The following CAMK4 variants were observed in gnomAD, a reference collection of about 807,000 sequenced individuals.
The protein encoded by CAMK4 is calcium/calmodulin dependent protein kinase IV, also known as calcium/calmodulin-dependent protein kinase type IV.
In CAMK4, 22 loss-of-function variants were observed where a neutral mutation model predicts 44.9. That is an observed-to-expected ratio of 0.49 (90% CI 0.35 to 0.70). The LOEUF is 0.70. Among genes scored for constraint, CAMK4 ranks in the 30% least tolerant of loss-of-function variants. The pLI is 0.01. For missense variants in CAMK4, 498 were observed against 586.8 expected, an observed-to-expected ratio of 0.85 and a Z score of 1.56; for synonymous variants, 218 against 215.4, an observed-to-expected ratio of 1.01 and a Z score of -0.11.
chr5:111,314,642 A>G (rs1748345700), intron 1 of CAMK4, among the ~76,000 whole-genome samples: 1 of 152,110 alleles, frequency 6.6e-6, no homozygotes, highest in South Asian at 2.1e-4. Flanking sequence ...GTTCCCACCA[A>G]TATAATGATA....
Position 111,270,466 on chromosome 5 carries a change from A to G in CAMK4, c.161+45822A>G, listed in dbSNP as rs180901664. 1.5e-3 allele frequency among the ~76,000 whole-genome samples: 233 copies of G among 152,284 alleles called. 2 individuals are homozygous for G. In the South Asian group the frequency reaches 0.018, roughly 12 times the overall value. The stretch of plus-strand genomic sequence containing the variant: ...TCCCTGGTGACTTTCACCTAATTAC[A>G]CAATAGCTACACACCTGATACTATT... On this transcript the variant is annotated intron_variant, in intron 1 of 10. Coordinates refer to ENST00000282356, the MANE Select transcript of CAMK4 (RefSeq NM_001744.6).
chr5:111,374,420 G>A (rs1338014025), intron 2 of CAMK4, among the ~76,000 whole-genome samples: 2 of 152,126 alleles, frequency 1.3e-5, no homozygotes, highest in South Asian at 2.1e-4. Flanking sequence ...CAGGGAACAG[G>A]ATACTCTTGT....
intron 1 of CAMK4, among the ~76,000 whole-genome samples, chr5:111,292,057 T>C (rs1390379684): frequency 6.6e-6 from 1 of 152,186 alleles, no homozygotes; most frequent in Non-Finnish European, 1.5e-5. Flanking sequence ...TCAGTGGTCC[T>C]CAGAGGAATA....
intron 2 of CAMK4, among the ~76,000 whole-genome samples, chr5:111,371,179 A>G (rs435141): frequency 0.88 from 133,492 of 152,128 alleles, 58,792 homozygotes; most frequent in East Asian, 1. Context: ...CCCATGATTG[A>G]GCTGCCTGAC....
intron 1 of CAMK4, among the ~76,000 whole-genome samples, chr5:111,281,352 A>G (rs1296185324): frequency 3.3e-5 from 5 of 152,206 alleles, no homozygotes; most frequent in Non-Finnish European, 7.4e-5. Flanking sequence ...TAATATAACT[A>G]GAATAATGTT....
intron 3 of CAMK4, among the ~76,000 whole-genome samples, 193 bp downstream of exon 3, chr5:111,375,105 A>AAAAGT (rs1751165787): frequency 6.6e-6 from 1 of 152,178 alleles, no homozygotes; most frequent in Admixed American, 6.6e-5. Flanking sequence ...ATACCTCTGA[A>AAAAGT]AAAGTTCCAA....
In CAMK4 at chr5:111,487,940, T is replaced by C. The variant is rs1287612346; in HGVS notation, c.*3474T>C. ...TTCATTTACTTCAGAGGAGAAATGA[T>C]TCCTAACATGACTTCAAAGAACGGG... On this transcript the variant is annotated 3_prime_UTR_variant, in exon 11 of 11. Coordinates refer to ENST00000282356, the MANE Select transcript of CAMK4 (RefSeq NM_001744.6). The C allele has an allele frequency of 6.6e-6, 1 of 152,166 alleles. No individual in the cohort carries two copies. Among genetic ancestry groups the C allele is most frequent in the African/African-American group, 2.4e-5 (1 of 41,424 alleles). The allele number at this position is 152,166 out of a possible 1,614,324, so 9.4% of individuals were successfully genotyped here.
chr5:111,427,017 A>T (rs1417355119), intron 5 of CAMK4, among the ~76,000 whole-genome samples: 1 of 152,168 alleles, frequency 6.6e-6, no homozygotes, highest in Non-Finnish European at 1.5e-5. Context: ...TTGAGAGACC[A>T]GCTGAGGCAG....
At chr5:111,477,287 C>T (rs1755280222) in intron 8 of CAMK4, among the ~76,000 whole-genome samples, 1 of 152,226 alleles carries the variant, frequency 6.6e-6, no homozygotes, top group African/African-American at 2.4e-5. Context: ...AACATTCTCC[C>T]AGTGGGACAT....
rs115758058 is a variant in CAMK4 at position 111,438,082 on chromosome 5, C to T, written c.460-8604C>T. Among the ~76,000 whole-genome samples, 1,249 of 152,004 alleles carry T rather than the reference C, an allele frequency of 8.2e-3. 25 individuals are homozygous for T. The highest frequency in any genetic ancestry group is 0.028 in the African/African-American group (1,172 of 41,464). ...TTAATTGTGAATTGGATGTAGATGG[C>T]GAGGGAGAGAAAGTCAATTTTTGAC... On this transcript the variant is annotated intron_variant, in intron 5 of 10. Transcript: ENST00000282356.
chr5:111,441,634 G>GT (rs943309858), intron 5 of CAMK4, among the ~76,000 whole-genome samples: 3 of 151,962 alleles, frequency 2.0e-5, no homozygotes, highest in Admixed American at 6.5e-5. Flanking sequence ...TTTATGGTTT[G>GT]TTTTTTTCTG....
intron 1 of CAMK4, among the ~76,000 whole-genome samples, chr5:111,278,372 G>A (rs1003859334): frequency 3.5e-5 from 5 of 141,374 alleles, no homozygotes; most frequent in African/African-American, 1.3e-4. Context: ...GGAGAATCAG[G>A]CTTGTTTGTT....
intron 1 of CAMK4, among the ~76,000 whole-genome samples, chr5:111,259,271 A>G (rs756430087): frequency 6.6e-6 from 1 of 152,120 alleles, no homozygotes; most frequent in Non-Finnish European, 1.5e-5. Context: ...TTAATATTTA[A>G]CTACTGACAA....
intron 5 of CAMK4, among the ~76,000 whole-genome samples, chr5:111,434,148 C>G (rs927970796): frequency 2.6e-5 from 4 of 152,164 alleles, no homozygotes; most frequent in African/African-American, 9.6e-5. Flanking sequence ...ACAAAAATAG[C>G]TGGACATGGT....
intron 1 of CAMK4, among the ~76,000 whole-genome samples, chr5:111,257,569 A>G (rs1749794320): frequency 6.6e-6 from 1 of 152,218 alleles, no homozygotes; most frequent in Non-Finnish European, 1.5e-5. Context: ...TGGTTCAACC[A>G]TTGTGGAAGA....
chr5:111,335,959 T>G (rs917303894), intron 1 of CAMK4, among the ~76,000 whole-genome samples: 38 of 151,436 alleles, frequency 2.5e-4, no homozygotes, highest in Admixed American at 3.3e-4. Flanking sequence ...TGCCTTTAAA[T>G]TTTTAAATAA....
At chr5:111,320,125 G>T (rs945394769) in intron 1 of CAMK4, among the ~76,000 whole-genome samples, 1 of 152,174 alleles carries the variant, frequency 6.6e-6, no homozygotes, top group Non-Finnish European at 1.5e-5. Flanking sequence ...TAAACAAAAA[G>T]AGAAGCATGC....
intron 5 of CAMK4, among the ~76,000 whole-genome samples, chr5:111,431,377 CTT>C (rs1753436214): frequency 6.6e-6 from 1 of 152,138 alleles, no homozygotes; most frequent in African/African-American, 2.4e-5. Flanking sequence ...GGATTAAAGA[CTT>C]AAACCTACAA....
chr5:111,433,542 G>C (rs953734641), intron 5 of CAMK4, among the ~76,000 whole-genome samples: 3 of 152,146 alleles, frequency 2.0e-5, no homozygotes, highest in Admixed American at 6.5e-5. Context: ...CCTGCATTCT[G>C]TTGGCCACTA....
Sources: gnomAD v4.1 joint callset for allele counts (sites outside exome capture counted in the v4.1 genomes callset) on GRCh38, gnomAD v4.1.1 for gene constraint, MANE v1.5 for transcripts, NCBI Gene and HGNC (gene_info 2026-07-23, HGNC 2026-07-21) for gene names.